Variants in EEPD1 observed in about 807,000 individuals in gnomAD.
EEPD1 encodes the protein endonuclease/exonuclease/phosphatase family domain containing 1, also known as endonuclease/exonuclease/phosphatase family domain-containing protein 1.
Under a neutral mutation model 46.3 loss-of-function variants are expected in EEPD1, and 17 were observed. That is an observed-to-expected ratio of 0.37 (90% CI 0.25 to 0.55). The LOEUF (loss-of-function observed/expected upper bound fraction) is 0.55. EEPD1 is among the 20% of genes least tolerant of loss of function. The pLI is 0.83. For missense variants in EEPD1, 673 were observed against 745.6 expected (o/e 0.90, Z 1.13); for synonymous variants, 313 against 315.6 (o/e 0.99, Z 0.09).
At chr7:36,255,020 G>C (rs186289143) in intron 3 of EEPD1, among the ~76,000 whole-genome samples, 17 of 152,244 alleles carry the variant, frequency 1.1e-4, no homozygotes, top group African/African-American at 3.9e-4. Context: ...TAAGTTTCTT[G>C]TAGATTCTGG....
At chr7:36,170,838 A>C (rs573561635) in intron 2 of EEPD1, among the ~76,000 whole-genome samples, 51 of 152,246 alleles carry the variant, frequency 3.3e-4, no homozygotes, top group Middle Eastern at 3.4e-3. Flanking sequence ...CCTTATTACC[A>C]TATCATTTCT....
intron 3 of EEPD1, among the ~76,000 whole-genome samples, chr7:36,275,611 GTGTATTT>G (rs976310426): frequency 2.3e-4 from 35 of 152,016 alleles, no homozygotes; most frequent in South Asian, 6.2e-4. Context: ...CACGCCTGGT[GTGTATTT>G]TGTATTTTGT....
chr7:36,187,184 C>A (rs1456196146), intron 2 of EEPD1, among the ~76,000 whole-genome samples: 1 of 152,116 alleles, frequency 6.6e-6, no homozygotes, highest in East Asian at 1.9e-4. Context: ...GCTTGTATTA[C>A]CTTTTAAAAA....
chr7:36,266,147 A>G (rs1006229160), intron 3 of EEPD1, among the ~76,000 whole-genome samples: 12 of 152,184 alleles, frequency 7.9e-5, no homozygotes, highest in Admixed American at 6.5e-4. Context: ...AATAGCCACA[A>G]AATCCTCCAG....
chr7:36,189,572 G>T (rs903978150), intron 2 of EEPD1, among the ~76,000 whole-genome samples: 3 of 152,174 alleles, frequency 2.0e-5, no homozygotes, highest in Non-Finnish European at 4.4e-5. Flanking sequence ...TCAGTAAGGG[G>T]TTTTTGTTGG....
intron 3 of EEPD1, among the ~76,000 whole-genome samples, chr7:36,270,159 T>C (rs1164910118): frequency 1.3e-5 from 2 of 152,126 alleles, no homozygotes; most frequent in African/African-American, 4.8e-5. Flanking sequence ...ATTGATAAAA[T>C]GCACAGGAAA....
At chr7:36,291,118 C>T (rs1361277390) in intron 6 of EEPD1, among the ~76,000 whole-genome samples, 1 of 152,232 alleles carries the variant, frequency 6.6e-6, no homozygotes, top group Non-Finnish European at 1.5e-5. Context: ...TTTTTCAGCC[C>T]AGACCTTTGC....
At chr7:36,222,858 T>G (rs1330982999) in intron 2 of EEPD1, among the ~76,000 whole-genome samples, 3 of 152,142 alleles carry the variant, frequency 2.0e-5, no homozygotes, top group African/African-American at 4.8e-5. Context: ...GCCATCACAC[T>G]GGTCATTAAA....
intron 6 of EEPD1, among the ~76,000 whole-genome samples, chr7:36,295,885 G>A (rs546139491): frequency 6.3e-4 from 96 of 152,140 alleles, no homozygotes; most frequent in African/African-American, 2.2e-3. Context: ...ACAAAAGTTA[G>A]CAAGGCGTGG....
chr7:36,217,254 A>G (rs2540674), intron 2 of EEPD1, among the ~76,000 whole-genome samples: 149,348 of 152,386 alleles, frequency 0.98, 73,261 homozygotes, highest in East Asian at 1. Flanking sequence ...TCAGGGAAAG[A>G]GGTGGGCAAT....
rs1389070959 is a variant in EEPD1, at chr7:36,193,266, A to T, written c.878+38064A>T. Among the ~76,000 whole-genome samples the T allele has an allele frequency of 6.6e-6, 1 of 152,032 alleles. No individual in the cohort carries two copies. The highest frequency in any genetic ancestry group is 1.9e-4 in the East Asian group (1 of 5,198). On this transcript the variant is annotated intron_variant, in intron 2 of 7. Transcript: ENST00000242108. The surrounding 1 kb of genome is among the most constrained non-coding windows in gnomAD (Gnocchi z 4.9). Reference sequence around the variant, plus strand: ...CCAAGGTGGAAGTGCCAACCAGCAGAAGTTAGATGGAGAAGAGGCCCAGAG... The same window carrying T: ...CCAAGGTGGAAGTGCCAACCAGCAGTAGTTAGATGGAGAAGAGGCCCAGAG...
chr7:36,190,575 G>T (rs1562679894), intron 2 of EEPD1, among the ~76,000 whole-genome samples: 1 of 152,224 alleles, frequency 6.6e-6, no homozygotes, highest in African/African-American at 2.4e-5. Context: ...CACCATGCAG[G>T]TGAATCTGTG....
At chr7:36,214,206 G>A (rs1333779294) in intron 2 of EEPD1, among the ~76,000 whole-genome samples, 3 of 152,192 alleles carry the variant, frequency 2.0e-5, no homozygotes, top group African/African-American at 7.2e-5. Flanking sequence ...CTTGGGAAAA[G>A]CCGTAGAAGC....
chr7:36,252,832 T>A (rs1301517789), intron 3 of EEPD1, among the ~76,000 whole-genome samples: 4 of 18,004 alleles, frequency 2.2e-4, no homozygotes, highest in Non-Finnish European at 5.1e-4. Context: ...TTCTCTCCTT[T>A]TTTTTTTTTT....
chr7:36,188,461 T>C (rs1339218279), intron 2 of EEPD1, among the ~76,000 whole-genome samples: 2 of 152,148 alleles, frequency 1.3e-5, no homozygotes, highest in African/African-American at 4.8e-5. Context: ...GTCATGACCT[T>C]TGATGCATGT....
Position 36,193,166 on chromosome 7 carries a change from G to A in EEPD1, c.878+37964G>A, listed in dbSNP as rs1235447748. ...GGGGCACAGGATTCCGTGGACATTG[G>A]CAGCAGGCATGCTCACCACATCTTG... On this transcript the variant is annotated intron_variant, in intron 2 of 7. Transcript: ENST00000242108. This position sits in a 1 kb window ranked among gnomAD's most constrained non-coding sequence, Gnocchi z 4.9. 1.3e-5 allele frequency among the ~76,000 whole-genome samples: 2 copies of A among 152,230 alleles called. No individual in the cohort carries two copies. Among genetic ancestry groups the A allele is most frequent in the African/African-American group, 4.8e-5 (2 of 41,464 alleles).
intron 2 of EEPD1, among the ~76,000 whole-genome samples, chr7:36,223,189 TAAGA>T (rs1786177402): frequency 6.8e-6 from 1 of 148,104 alleles, no homozygotes; most frequent in African/African-American, 2.5e-5. Flanking sequence ...AAAGTAATAA[TAAGA>T]AATAAATTTT....
At chr7:36,198,342 G>GAAAAAAAAAAAAA (rs1361024411) in intron 2 of EEPD1, among the ~76,000 whole-genome samples, 6 of 33,076 alleles carry the variant, frequency 1.8e-4, no homozygotes, top group South Asian at 9.2e-4. Flanking sequence ...AAAAAGAAAA[G>GAAAAAAAAAAAAA]AAAAAAAAAA....
chr7:36,291,503 G>A (rs1280097266), intron 6 of EEPD1, among the ~76,000 whole-genome samples: 5 of 152,224 alleles, frequency 3.3e-5, no homozygotes, highest in South Asian at 2.1e-4. Context: ...CGGTGCTATC[G>A]AGGAAGTGGT....
Sources: allele counts gnomAD v4.1 joint callset (sites outside exome capture counted in the v4.1 genomes callset), GRCh38; gene constraint gnomAD v4.1.1; non-coding constraint Gnocchi (gnomAD v3.1); transcripts MANE v1.5; gene names NCBI Gene and HGNC (gene_info 2026-07-23, HGNC 2026-07-21).